TMPRSS2: variants seen among roughly 807,000 people sequenced by gnomAD.
The protein encoded by TMPRSS2 is transmembrane protease serine 2.
TMPRSS2 carries 59 observed loss-of-function variants against 67.4 expected under a neutral mutation model. That is an observed-to-expected ratio of 0.88 (90% CI 0.71 to 1.09). TMPRSS2 has a LOEUF of 1.09. TMPRSS2 is among the 50% of genes least tolerant of loss of function. The pLI, the probability that TMPRSS2 is intolerant of heterozygous loss-of-function variation, is 0.00. For missense variants in TMPRSS2, 668 were observed against 642.7 expected (o/e 1.04, Z -0.43); for synonymous variants, 257 against 257.0 (o/e 1.00, Z 0.00).
intron 3 of TMPRSS2, among the ~76,000 whole-genome samples, chr21:41,490,299 GT>G (rs2091326314): frequency 6.6e-6 from 1 of 152,004 alleles, no homozygotes; most frequent in South Asian, 2.1e-4. Context: ...CACTCTGTTA[GT>G]GGTACTCAAA....
chr21:41,472,113 TAGTGGAAGAGGTGCTCGG>T (rs2091138685), intron 9 of TMPRSS2, 132 bp from the exon 10 acceptor site: 1 of 856,526 alleles, frequency 1.2e-6, no homozygotes, highest in African/African-American at 1.7e-5. Flanking sequence ...CACAGGGAGA[TAGTGGAAGAGGTGCTCGG>T]TCTCCCCTTC....
chr21:41,499,152 C>T (rs186168224), intron 1 of TMPRSS2, among the ~76,000 whole-genome samples: 4 of 152,252 alleles, frequency 2.6e-5, no homozygotes, highest in African/African-American at 9.6e-5. Context: ...TTTACTACCC[C>T]AAACCCAAAA....
chr21:41,464,474 G>A lies in TMPRSS2; in HGVS notation c.*1668C>T. ...TGCCTCACCTTTGGTCCTCTGACCA[G>A]CAGCCTCAACATCACCCCCTTATAA... On this transcript the variant is annotated 3_prime_UTR_variant, in exon 14 of 14. Coordinates refer to ENST00000332149, the MANE Select transcript of TMPRSS2 (RefSeq NM_005656.4). 5.2e-6 allele frequency: 1 copy of A among 193,616 alleles called. No homozygotes were observed. Among genetic ancestry groups the A allele is most frequent in the Non-Finnish European group, 1.1e-5 (1 of 92,740 alleles). The allele number at this position is 193,616 out of a possible 1,614,324, so 12.0% of individuals were successfully genotyped here. A position where few individuals can be genotyped will look rare whatever the true frequency, so the allele number is the denominator to read the frequency against.
intron 9 of TMPRSS2, among the ~76,000 whole-genome samples, chr21:41,472,631 G>A (rs1641739046): frequency 6.6e-6 from 1 of 152,212 alleles, no homozygotes; most frequent in Non-Finnish European, 1.5e-5. Flanking sequence ...AGAAGGGCAT[G>A]CCCATCTTAT....
intron 3 of TMPRSS2, among the ~76,000 whole-genome samples, chr21:41,491,238 C>T (rs2091333770): frequency 6.7e-6 from 1 of 149,754 alleles, no homozygotes; most frequent in African/African-American, 2.5e-5. Flanking sequence ...CTCACTGCAG[C>T]CTCCACCTCC....
chr21:41,502,876 T>C (rs2091433285), intron 1 of TMPRSS2, among the ~76,000 whole-genome samples: 1 of 152,188 alleles, frequency 6.6e-6, no homozygotes, highest in South Asian at 2.1e-4. Flanking sequence ...AGGGCAGATA[T>C]CAGGTCTGGT....
At chr21:41,484,412 G>GCA (rs1279730672) in intron 5 of TMPRSS2, among the ~76,000 whole-genome samples, 1 of 152,078 alleles carries the variant, frequency 6.6e-6, no homozygotes, top group African/African-American at 2.4e-5. Context: ...TAAAATATGC[G>GCA]CACACACACC....
chr21:41,479,872 G>A (rs1017453089), intron 6 of TMPRSS2, among the ~76,000 whole-genome samples: 2 of 152,254 alleles, frequency 1.3e-5, no homozygotes, highest in Non-Finnish European at 2.9e-5. Flanking sequence ...GGCAGTGCTG[G>A]TAAATGGTAA....
At position 41,467,945 on chromosome 21, in the gene TMPRSS2, A is replaced by T. The variant is rs186826600; in HGVS notation, c.1315-59T>A. On this transcript the variant is annotated intron_variant, in intron 12 of 13. Coordinates refer to ENST00000332149, the MANE Select transcript of TMPRSS2 (RefSeq NM_005656.4). Reference sequence around the variant, plus strand: ...ATCAAGTCACAATCTGCCGCACACCACTGACCAGGCCTAGAGGAGTTGGGG... The same window carrying T: ...ATCAAGTCACAATCTGCCGCACACCTCTGACCAGGCCTAGAGGAGTTGGGG... The T allele has an allele frequency of 1.8e-3, 2,821 of 1,603,698 alleles. 5 individuals are homozygous for T. Among genetic ancestry groups the T allele is most frequent in the Non-Finnish European group, 2.3e-3 (2,662 of 1,172,836 alleles).
chr21:41,503,640 G>T (rs975581968), intron 1 of TMPRSS2, among the ~76,000 whole-genome samples: 1 of 152,154 alleles, frequency 6.6e-6, no homozygotes, highest in African/African-American at 2.4e-5. Context: ...GGAAATCAAG[G>T]TTCCAACAAT....
rs569429288 is a variant in TMPRSS2 at position 41,505,557 on chromosome 21, G to A, written c.-57+2524C>T. ...TGGCCTAGGAGGTCAGCCCTCCGCA[G>A]GCCCCCTTTCAGAGTTCCAGGCACT... On this transcript the variant is annotated intron_variant, in intron 1 of 13. Transcript: ENST00000332149. Among the ~76,000 whole-genome samples, 13 of 152,288 alleles carry A rather than the reference G, an allele frequency of 8.5e-5. No individual in the cohort carries two copies. The South Asian group carries it at 2.7e-3, about 32-fold the overall frequency.
chr21:41,493,659 A>G (rs1364194636), intron 3 of TMPRSS2, among the ~76,000 whole-genome samples: 1 of 152,250 alleles, frequency 6.6e-6, no homozygotes, highest in Non-Finnish European at 1.5e-5. Flanking sequence ...TTAGCACTGA[A>G]ACTAGCCTGA....
At chr21:41,488,304 G>A (rs542575868) in intron 5 of TMPRSS2, 90 bp downstream of exon 5, 25 of 1,480,082 alleles carry the variant, frequency 1.7e-5, no homozygotes, top group South Asian at 1.3e-4. Flanking sequence ...CTGGACGCAC[G>A]CCAGGCCCAG....
intron 1 of TMPRSS2, 61 bp from the exon 2 acceptor site, chr21:41,498,250 T>C (rs2091399617): frequency 1.7e-6 from 2 of 1,180,394 alleles, no homozygotes; most frequent in Admixed American, 4.0e-5. Flanking sequence ...AGAAGATAAA[T>C]CTGGAAAGAA....
At chr21:41,502,461 G>T (rs925002974) in intron 1 of TMPRSS2, 1 of 985,208 alleles carries the variant, frequency 1.0e-6, no homozygotes. Flanking sequence ...GGTGTGAGAG[G>T]GAACAGACAG....
chr21:41,498,120 G>C lies in TMPRSS2; in HGVS notation c.14C>G (p.Ser5Ter). 6.2e-7 allele frequency: 1 copy of C among 1,606,826 alleles called. No individual in the cohort carries two copies. The highest frequency in any genetic ancestry group is 8.5e-7 in the Non-Finnish European group (1 of 1,173,988). Residue 5 changes from serine (S) to a stop codon, truncating the protein, a stop_gained and splice_region_variant, in exon 2 of 14, where the codon TCA becomes TGA. Transcript: ENST00000332149. LOFTEE classifies it high-confidence loss of function. The stretch of plus-strand genomic sequence containing the variant: ...GGAAGGTAATAATTAACCACTTACT[G>C]AGTTCAAAGCCATCTTGCTGTTATC... The part of the protein sequence containing the change: MALN[S>*]GSPPAIGPYY...
chr21:41,481,451 T>C (rs1422320581), intron 5 of TMPRSS2, among the ~76,000 whole-genome samples: 1 of 152,180 alleles, frequency 6.6e-6, no homozygotes, highest in Non-Finnish European at 1.5e-5. Flanking sequence ...AGATTAGTGG[T>C]TGCTTATGAG....
intron 9 of TMPRSS2, among the ~76,000 whole-genome samples, chr21:41,473,079 C>T (rs914565300): frequency 6.6e-6 from 1 of 152,146 alleles, no homozygotes; most frequent in African/African-American, 2.4e-5. Flanking sequence ...CTGGTCACGG[C>T]GACATCGTGG....
chr21:41,499,192 A>G (rs1475740467), intron 1 of TMPRSS2, among the ~76,000 whole-genome samples: 4 of 152,228 alleles, frequency 2.6e-5, no homozygotes, highest in Admixed American at 2.6e-4. Context: ...AACCATTTTG[A>G]CCACTGCTAA....
Sources: allele counts gnomAD v4.1 joint callset (sites outside exome capture counted in the v4.1 genomes callset), GRCh38; gene constraint gnomAD v4.1.1; transcripts MANE v1.5; gene names NCBI Gene and HGNC (gene_info 2026-07-23, HGNC 2026-07-21).